PPP1R13L: variants seen among roughly 807,000 people sequenced by gnomAD.
PPP1R13L encodes the protein relA-associated inhibitor.
A neutral mutation model predicts 80.9 loss-of-function variants in PPP1R13L; 50 were observed. The observed-to-expected ratio is 0.62, with a 90% CI of 0.49 to 0.78. The LOEUF is 0.78. Among genes scored for constraint, PPP1R13L ranks in the 30% least tolerant of loss-of-function variants. The pLI, the probability that PPP1R13L is intolerant of heterozygous loss-of-function variation, is 0.00. For synonymous variants in PPP1R13L, 602 were observed against 534.3 expected (o/e 1.13, Z -1.75); for missense variants, 1,200 against 1,205.9 (o/e 1.00, Z 0.07).
chr19:45,398,420 G>A, intron 1 of PPP1R13L, 81 bp from the exon 2 acceptor site: 1 of 1,347,684 alleles, frequency 7.4e-7, no homozygotes, highest in Non-Finnish European at 1.0e-6. Context: ...GCCGTCAGGA[G>A]CGGGACAACG....
chr19:45,396,738 C>T lies in PPP1R13L; in HGVS notation c.519G>A (p.Thr173=). The T allele has an allele frequency of 7.3e-7, 1 of 1,373,054 alleles. No individual in the cohort carries two copies. The allele number at this position is 1,373,054 out of a possible 1,614,324, so 85.1% of individuals were successfully genotyped here. A position where few individuals can be genotyped will look rare whatever the true frequency, so the allele number is the denominator to read the frequency against. Residue 173 remains threonine, a synonymous_variant, in exon 4 of 13, where the codon ACG becomes ACA. Transcript: ENST00000360957. The surrounding 1 kb of genome is among the most constrained non-coding windows in gnomAD (Gnocchi z 5.3). ...CTGCGCGGCCCAGGAAGTCGAAAGGCGTGGGGGGACCCTGCTGGCGGAGCG... is the reference window on the plus strand; with the variant it reads ...CTGCGCGGCCCAGGAAGTCGAAAGGTGTGGGGGGACCCTGCTGGCGGAGCG... The part of the protein sequence containing the change: ...PGPLRQQGPP[T]PFDFLGRAGS...
At position 45,396,988 on chromosome 19, in the gene PPP1R13L, G is replaced by T; in HGVS notation, c.269C>A (p.Thr90Asn). 7.2e-7 allele frequency: 1 copy of T among 1,382,110 alleles called. No individual in the cohort carries two copies. Among genetic ancestry groups the T allele is most frequent in the Non-Finnish European group, 9.4e-7 (1 of 1,068,470 alleles). 85.6% of individuals were successfully genotyped at this position (1,382,110 alleles called of 1,614,324 possible). ...TCCGAACGGGGTGTCTGCGCCGTCG[G>T]TGGCCGCCTTCCGGGGGGACCCTCG... ...GSRGSPRKAA[T>N]DGADTPFGRS... Residue 90 changes from threonine to asparagine, a missense_variant, in exon 4 of 13, where the codon ACC becomes AAC. Thr to Asn is a moderately conservative substitution (Grantham distance 65, BLOSUM62 0). Transcript: ENST00000360957. The surrounding 1 kb of genome is among the most constrained non-coding windows in gnomAD (Gnocchi z 5.3).
chr19:45,385,014 C>T lies in PPP1R13L; in HGVS notation c.2248+548G>A, dbSNP rs113870409. Reference sequence around the variant, plus strand: ...GAAGTTCCTTGCCCACACCGAGATACAACTGGCTCCTCCAGGTGTGAAATG... The same window carrying T: ...GAAGTTCCTTGCCCACACCGAGATATAACTGGCTCCTCCAGGTGTGAAATG... On this transcript the variant is annotated intron_variant, in intron 11 of 12. Transcript: ENST00000360957. Among the ~76,000 whole-genome samples, 314 of 152,232 alleles carry T rather than the reference C, an allele frequency of 2.1e-3. 1 individual carries two copies. Among genetic ancestry groups the T allele is most frequent in the African/African-American group, 7.2e-3 (300 of 41,538 alleles).
intron 1 of PPP1R13L, among the ~76,000 whole-genome samples, chr19:45,399,186 A>C (rs2123395924): frequency 6.7e-6 from 1 of 149,894 alleles, no homozygotes; most frequent in Middle Eastern, 3.6e-3. Flanking sequence ...CGCGTGATCC[A>C]TCTGCCTCGG....
chr19:45,400,009 C>T (rs1054548294), intron 1 of PPP1R13L, among the ~76,000 whole-genome samples: 14 of 151,736 alleles, frequency 9.2e-5, no homozygotes, highest in South Asian at 2.1e-4. Flanking sequence ...TGCCGTGCAC[C>T]GAAAGCTTCA....
intron 12 of PPP1R13L, among the ~76,000 whole-genome samples, chr19:45,382,323 A>T (rs2123344806): frequency 6.6e-6 from 1 of 152,272 alleles, no homozygotes; most frequent in East Asian, 1.9e-4. Context: ...TACTCCACTA[A>T]CTATAAGGGA....
intron 11 of PPP1R13L, among the ~76,000 whole-genome samples, chr19:45,383,043 G>A: frequency 7.2e-6 from 1 of 138,906 alleles, no homozygotes. Flanking sequence ...CGCCCAGGCT[G>A]GAGTGCAGTG....
At position 45,385,568 on chromosome 19, in the gene PPP1R13L, G is replaced by A. The variant is rs777295482; in HGVS notation, c.2242C>T (p.Leu748=). 34 of 1,611,086 alleles carry A rather than the reference G, an allele frequency of 2.1e-5. No individual in the cohort carries two copies. The highest frequency in any genetic ancestry group is 2.8e-5 in the Non-Finnish European group (33 of 1,178,532). The change falls in exon 11 of 13, where the codon CTG becomes TTG. Residue 748 remains leucine (L), a synonymous_variant. Transcript: ENST00000360957. ...CAGCAGCCCTGCCTCGCACCTGCCA[G>A]GTAGGTGGCGCAGTCAGCATAACCC... ...REGYADCATY[L]ADVEQSMGLM...
At chr19:45,389,071 T>G (rs1184299851) in intron 8 of PPP1R13L, among the ~76,000 whole-genome samples, 1 of 152,178 alleles carries the variant, frequency 6.6e-6, no homozygotes, top group East Asian at 1.9e-4. Context: ...GTTCAAACCT[T>G]TAAATGCTCT....
intron 1 of PPP1R13L, among the ~76,000 whole-genome samples, chr19:45,398,588 T>TC (rs1973165271): frequency 6.7e-6 from 1 of 148,832 alleles, no homozygotes; most frequent in African/African-American, 2.5e-5. Context: ...TTCTTTTCTT[T>TC]TTTTTTTTTT....
chr19:45,400,001 C>A (rs2123398574), intron 1 of PPP1R13L, among the ~76,000 whole-genome samples: 1 of 151,864 alleles, frequency 6.6e-6, no homozygotes, highest in East Asian at 1.9e-4. Flanking sequence ...GTGAGAAATG[C>A]CGTGCACCGA....
chr19:45,398,401 G>A, intron 1 of PPP1R13L, 62 bp from the exon 2 acceptor site: 1 of 1,515,074 alleles, frequency 6.6e-7, no homozygotes, highest in Non-Finnish European at 9.0e-7. Flanking sequence ...CGCCCTCAGG[G>A]AGTCAGACGC....
rs1396140759 is a variant in PPP1R13L, at chr19:45,401,025, C to T, written c.-21-2686G>A. 4.8e-4 allele frequency among the ~76,000 whole-genome samples: 18 copies of T among 37,524 alleles called. 7 individuals are homozygous for T. The African/African-American group carries it at 8.8e-3, about 18-fold the overall frequency. The allele number at this position is 37,524 out of a possible 152,430, so 24.6% of individuals were successfully genotyped here. ...TCTCCTGACCTCATGATCCGCCCGC[C>T]TCGGCCTCCCAAAGTGCTGGGATTA... On this transcript the variant is annotated intron_variant, in intron 1 of 12. Coordinates refer to ENST00000360957, the MANE Select transcript of PPP1R13L (RefSeq NM_006663.4).
rs1972852092 is a variant in PPP1R13L, at chr19:45,385,690, A to G, written c.2120T>C (p.Val707Ala). 1 of 1,612,572 alleles carries G rather than the reference A, an allele frequency of 6.2e-7. No homozygotes were observed. Among genetic ancestry groups the G allele is most frequent in the Non-Finnish European group, 8.5e-7 (1 of 1,179,642 alleles). The change falls in exon 11 of 13, where the codon GTC (valine) becomes GCC (alanine). Residue 707 changes from valine to alanine, a missense_variant. Around this residue, in one of 5 missense-constraint regions of PPP1R13L, gnomAD observed 165 missense variants for 177.1 expected, o/e 0.93. Transcript: ENST00000360957. The stretch of plus-strand genomic sequence containing the variant: ...GTGCTGCACCAGCGCCATGCAGATG[A>G]CTGTGTCGTTGCACGACGCCGCGCA... Reference protein sequence around the residue: ...LHCAASCNDTVICMALVQHGA... With the variant: ...LHCAASCNDTAICMALVQHGA...
Position 45,385,602 on chromosome 19 carries a change from A to C in PPP1R13L, c.2208T>G (p.Pro736=), listed in dbSNP as rs748000702. The C allele has an allele frequency of 6.2e-7, 1 of 1,613,164 alleles. No individual in the cohort carries two copies. Among genetic ancestry groups the C allele is most frequent in the South Asian group, 1.1e-5 (1 of 91,070 alleles). Residue 736 remains proline, a synonymous_variant, in exon 11 of 13, where the codon CCT becomes CCG. Coordinates refer to ENST00000360957, the MANE Select transcript of PPP1R13L (RefSeq NM_006663.4). The part of the protein sequence containing the change: ...DGATAFEKCD[P]YREGYADCAT... ...CGCAGTCAGCATAACCCTCGCGGTA[A>C]GGGTCGCACTTCTCGAAGGCGGTGG... is the stretch of plus-strand genomic sequence containing the variant.
chr19:45,399,449 C>A (rs1362600365), intron 1 of PPP1R13L, among the ~76,000 whole-genome samples: 1 of 148,444 alleles, frequency 6.7e-6, no homozygotes, highest in Non-Finnish European at 1.5e-5. Flanking sequence ...ATGGTGAAAC[C>A]CCGTCTCTAC....
chr19:45,398,142 C>T lies in PPP1R13L; in HGVS notation c.61G>A (p.Ala21Thr), dbSNP rs370745415. 92 of 1,613,780 alleles carry T rather than the reference C, an allele frequency of 5.7e-5. No individual in the cohort carries two copies. Among genetic ancestry groups the T allele is most frequent in the Non-Finnish European group, 7.7e-5 (91 of 1,179,846 alleles). ...TGCTTCAGATCCATGTGTTTCATGG[C>T]CAGCGCTGGGAAGGTGGGAGTGGAG... ...DFLDMNFQSL[A>T]MKHMDLKQME... The change falls in exon 3 of 13, where the codon GCC becomes ACC. Residue 21 changes from alanine (A) to threonine (T), a missense_variant. Coordinates refer to ENST00000360957, the MANE Select transcript of PPP1R13L (RefSeq NM_006663.4).
In PPP1R13L at chr19:45,396,616, G is replaced by A. The variant is rs1315086652; in HGVS notation, c.641C>T (p.Pro214Leu). ...PRPPATAYDA[P>L]ASAFGSSLLG... is the part of the protein sequence containing the mutation. ...CAGGGAGCTCCCGAAGGCGGACGCT[G>A]GCGCGTCGTAGGCTGTGGCAGGGGG... The change falls in exon 4 of 13, where the codon CCA becomes CTA. Residue 214 changes from proline to leucine, a missense_variant. Pro to Leu is a moderately conservative substitution (Grantham distance 98). Transcript: ENST00000360957. The surrounding 1 kb of genome is among the most constrained non-coding windows in gnomAD (Gnocchi z 5.3). 3 of 1,495,278 alleles carry A rather than the reference G, an allele frequency of 2.0e-6. No individual in the cohort carries two copies. Among genetic ancestry groups the A allele is most frequent in the Non-Finnish European group, 2.7e-6 (3 of 1,131,596 alleles). The allele number at this position is 1,495,278 out of a possible 1,614,324, so 92.6% of individuals were successfully genotyped here.
At chr19:45,394,791 A>G (rs1420658769) in intron 7 of PPP1R13L, 1 of 149,002 alleles carries the variant, frequency 6.7e-6, no homozygotes. Flanking sequence ...GCTGTTTTAA[A>G]GGCTTTATAT....
Sources: gnomAD v4.1 joint callset for allele counts (sites outside exome capture counted in the v4.1 genomes callset) on GRCh38, gnomAD v4.1.1 for gene constraint, gnomAD v4.1.1 regional missense constraint, Gnocchi (gnomAD v3.1) non-coding constraint, MANE v1.5 for transcripts, NCBI Gene and HGNC (gene_info 2026-07-23, HGNC 2026-07-21) for gene names.